Variants in RALGAPB observed in about 807,000 individuals in gnomAD.
RALGAPB encodes the protein Ral GTPase activating protein non-catalytic subunit beta.
A neutral mutation model predicts 161.1 loss-of-function variants in RALGAPB; 25 were observed. The ratio of observed to expected loss-of-function variants is 0.16; its 90% CI spans 0.11 to 0.22. The LOEUF (loss-of-function observed/expected upper bound fraction) is 0.22. Ranked by LOEUF, RALGAPB falls within the 10% of genes least tolerant of loss-of-function variation. The probability of loss-of-function intolerance (pLI) is 1.00; values close to 1 mark genes in which losing one functional copy is unlikely to be tolerated. For missense variants in RALGAPB, 1,391 were observed against 1,815.2 expected, an observed-to-expected ratio of 0.77 and a Z score of 4.25; for synonymous variants, 629 against 626.1, an observed-to-expected ratio of 1.00 and a Z score of -0.07.
In RALGAPB at chr20:38,499,485, G is replaced by A. The variant is rs772132622; in HGVS notation, c.592G>A (p.Val198Ile). 9 of 1,611,990 alleles carry A rather than the reference G, an allele frequency of 5.6e-6. No homozygotes were observed. Among genetic ancestry groups the A allele is most frequent in the Non-Finnish European group, 7.6e-6 (9 of 1,179,168 alleles). ...AENLAEKLIG[V>I]LFEVWLLACT... ...GAATCTAGCAGAGAAGTTGATTGGT[G>A]TTCTCTTTGAGGTGTGGTTACTAGC... The change falls in exon 5 of 30, where the codon GTT (valine) becomes ATT (isoleucine). Residue 198 changes from valine (V) to isoleucine (I), a missense_variant. Physicochemically the swap from Val to Ile is conservative, Grantham distance 29. Around this residue, in one of 3 missense-constraint regions of RALGAPB, gnomAD observed 946 missense variants for 1,257.2 expected, o/e 0.75. Transcript: ENST00000262879.
At chr20:38,529,800 T>C (rs1288804712) in intron 13 of RALGAPB, among the ~76,000 whole-genome samples, 2 of 152,056 alleles carry the variant, frequency 1.3e-5, no homozygotes, top group Admixed American at 1.3e-4. Context: ...AAGATCACGC[T>C]ACTGGACTCC....
At chr20:38,552,140 A>AT (rs11482026) in intron 21 of RALGAPB, among the ~76,000 whole-genome samples, 92,322 of 144,838 alleles carry the variant, frequency 0.64, 33,739 homozygotes, top group East Asian at 0.9. Flanking sequence ...GAAAAGGCTG[A>AT]TTTTTTTTTT....
chr20:38,481,078 C>G (rs1047434331), intron 1 of RALGAPB, among the ~76,000 whole-genome samples: 2 of 152,060 alleles, frequency 1.3e-5, no homozygotes, highest in Non-Finnish European at 2.9e-5. Flanking sequence ...CCTCAATTTT[C>G]TTACCTCCAT....
chr20:38,557,756 C>T (rs146497098), intron 22 of RALGAPB, among the ~76,000 whole-genome samples: 162 of 152,300 alleles, frequency 1.1e-3, no homozygotes, highest in African/African-American at 3.8e-3. Flanking sequence ...TGTATGGATG[C>T]ACCACAGTTG....
intron 3 of RALGAPB, among the ~76,000 whole-genome samples, 181 bp downstream of exon 3, chr20:38,493,313 GT>G (rs2085329908): frequency 6.6e-6 from 1 of 152,178 alleles, no homozygotes; most frequent in African/African-American, 2.4e-5. Flanking sequence ...TTTACTAGGA[GT>G]TTTTAACAGG....
chr20:38,497,273 T>A (rs924561130), intron 3 of RALGAPB, 80 bp from the exon 4 acceptor site: 7 of 1,341,128 alleles, frequency 5.2e-6, no homozygotes, highest in Non-Finnish European at 7.3e-6. Flanking sequence ...CACTGCTTGC[T>A]ACATCCATAA....
At chr20:38,499,159 TC>T (rs984436775) in intron 4 of RALGAPB, among the ~76,000 whole-genome samples, 5 of 152,166 alleles carry the variant, frequency 3.3e-5, no homozygotes, top group African/African-American at 1.2e-4. Context: ...CTTTTCCTTC[TC>T]CCCTGTGTCC....
At chr20:38,526,118 G>A (rs1489348556) in intron 13 of RALGAPB, 76 bp downstream of exon 13, 17 of 1,486,154 alleles carry the variant, frequency 1.1e-5, no homozygotes, top group South Asian at 7.1e-5. Flanking sequence ...GGCGGCAGTC[G>A]GTAATGGGAG....
chr20:38,539,728 C>T, intron 16 of RALGAPB, 48 bp from the exon 17 acceptor site: 1 of 1,573,630 alleles, frequency 6.4e-7, no homozygotes. Context: ...GAAATTGGTA[C>T]AGTAATTCCT....
Position 38,497,392 on chromosome 20 carries a change from G to C in RALGAPB, c.429G>C (p.Gln143His). 1.2e-6 allele frequency: 2 copies of C among 1,614,086 alleles called. No individual in the cohort carries two copies. The highest frequency in any genetic ancestry group is 1.7e-6 in the Non-Finnish European group (2 of 1,179,978). The change falls in exon 4 of 30, where the codon CAG becomes CAC. Residue 143 changes from glutamine to histidine, a missense_variant. By Grantham distance (24) the Gln-to-His change is conservative (BLOSUM62 0). Coordinates refer to ENST00000262879, the MANE Select transcript of RALGAPB (RefSeq NM_020336.4). ...QGSSQIRLCLQVLRAIQKLAR... is the reference protein window; with the variant it reads ...QGSSQIRLCLHVLRAIQKLAR... Reference sequence around the variant, plus strand: ...CCAGTCAGATTCGACTATGCTTACAGGTCCTGAGAGCCATTCAGAAACTGG... The same window carrying C: ...CCAGTCAGATTCGACTATGCTTACACGTCCTGAGAGCCATTCAGAAACTGG...
intron 19 of RALGAPB, 81 bp from the exon 20 acceptor site, chr20:38,548,608 G>A (rs1240408036): frequency 3.7e-6 from 4 of 1,092,874 alleles, no homozygotes; most frequent in Non-Finnish European, 5.4e-6. Flanking sequence ...TTGATTATGA[G>A]AAGCTCTGCA....
intron 20 of RALGAPB, 73 bp from the exon 21 acceptor site, chr20:38,550,998 C>A: frequency 1.3e-6 from 2 of 1,504,022 alleles, no homozygotes; most frequent in Non-Finnish European, 9.1e-7. Flanking sequence ...ATCTAAGAGA[C>A]CAGGGAAATA....
intron 5 of RALGAPB, among the ~76,000 whole-genome samples, chr20:38,500,893 G>A (rs1568916820): frequency 1.3e-5 from 2 of 152,208 alleles, no homozygotes; most frequent in Admixed American, 6.5e-5. Flanking sequence ...AAGCCAAAGC[G>A]TGATCCAGAG....
At position 38,565,309 on chromosome 20, in the gene RALGAPB, T is replaced by C. The variant is rs774394798; in HGVS notation, c.3698-50T>C. 4 of 1,595,914 alleles carry C rather than the reference T, an allele frequency of 2.5e-6. No individual in the cohort carries two copies. The South Asian group carries it at 3.4e-5, about 13-fold the overall frequency. On this transcript the variant is annotated intron_variant, in intron 24 of 29. Coordinates refer to ENST00000262879, the MANE Select transcript of RALGAPB (RefSeq NM_020336.4). ...ATTTCATGTAGCAAGATGATACTGG[T>C]TTTTTCCTACTTTTTGAAGCGGTAA...
In RALGAPB at chr20:38,546,412, C is replaced by G. The variant is rs1218486232; in HGVS notation, c.2884C>G (p.Pro962Ala). Residue 962 changes from proline (P) to alanine (A), a missense_variant, in exon 19 of 30, where the codon CCT becomes GCT. Pro to Ala is a conservative substitution (Grantham distance 27, BLOSUM62 -1). Around this residue, in one of 3 missense-constraint regions of RALGAPB, gnomAD observed 946 missense variants for 1,257.2 expected, o/e 0.75. Coordinates refer to ENST00000262879, the MANE Select transcript of RALGAPB (RefSeq NM_020336.4). ...TGTCATCCTGGCAATGCTGGAACAA[C>G]CTCTTGGAAATGAGCAGAGTAAGTT... ...NSVILAMLEQPLGNEQNDFFP... is the reference protein window; with the variant it reads ...NSVILAMLEQALGNEQNDFFP... The G allele has an allele frequency of 6.2e-7, 1 of 1,613,888 alleles. No individual in the cohort carries two copies. Among genetic ancestry groups the G allele is most frequent in the Non-Finnish European group, 8.5e-7 (1 of 1,179,938 alleles).
At position 38,532,768 on chromosome 20, in the gene RALGAPB, C is replaced by T; in HGVS notation, c.2154C>T (p.Thr718=). 6.2e-7 allele frequency: 1 copy of T among 1,613,784 alleles called. No individual in the cohort carries two copies. Among genetic ancestry groups the T allele is most frequent in the Non-Finnish European group, 8.5e-7 (1 of 1,179,726 alleles). The change falls in exon 15 of 30, where the codon ACC becomes ACT. Residue 718 remains threonine, a synonymous_variant. Coordinates refer to ENST00000262879, the MANE Select transcript of RALGAPB (RefSeq NM_020336.4). The stretch of plus-strand genomic sequence containing the variant: ...ATAACCTGAAGAGTCATAGTCGCAC[C>T]AATAGTGGTATTAGTTCAGCAAGTG... The part of the protein sequence containing the change: ...GENNLKSHSR[T]NSGISSASGG...
intron 11 of RALGAPB, 126 bp downstream of exon 11, chr20:38,525,071 T>G: frequency 3.2e-6 from 3 of 950,894 alleles, no homozygotes; most frequent in Non-Finnish European, 4.8e-6. Flanking sequence ...TCAGGCGACA[T>G]TAAATGAGTG....
chr20:38,534,417 T>C (rs1019316519), intron 15 of RALGAPB: 5 of 152,772 alleles, frequency 3.3e-5, no homozygotes, highest in Admixed American at 2.0e-4. Flanking sequence ...AAAGCTTCCT[T>C]TATAAATTCA....
chr20:38,526,117 C>T (rs191478833), intron 13 of RALGAPB, 75 bp downstream of exon 13: 86 of 1,499,826 alleles, frequency 5.7e-5, no homozygotes, highest in Middle Eastern at 5.2e-4. Context: ...AGGCGGCAGT[C>T]GGTAATGGGA....
Sources: gnomAD v4.1 joint callset for allele counts (sites outside exome capture counted in the v4.1 genomes callset) on GRCh38, gnomAD v4.1.1 for gene constraint, gnomAD v4.1.1 regional missense constraint, MANE v1.5 for transcripts, NCBI Gene and HGNC (gene_info 2026-07-23, HGNC 2026-07-21) for gene names.